ATP11A: variants seen among roughly 807,000 people sequenced by gnomAD.
ATP11A encodes the protein phospholipid-transporting ATPase IH.
In ATP11A, 81 loss-of-function variants were observed where a neutral mutation model predicts 154.4. The ratio of observed to expected loss-of-function variants is 0.52; its 90% CI spans 0.44 to 0.63. ATP11A has a LOEUF of 0.63. Among genes scored for constraint, ATP11A ranks in the 30% least tolerant of loss-of-function variants. The pLI is 0.00. For missense variants in ATP11A, 1,316 were observed against 1,474.3 expected (o/e 0.89, Z 1.76); for synonymous variants, 623 against 585.9 (o/e 1.06, Z -0.91).
intron 15 of ATP11A, among the ~76,000 whole-genome samples, chr13:112,835,610 A>C (rs912791907): frequency 2.0e-5 from 3 of 152,190 alleles, no homozygotes; most frequent in Admixed American, 2.0e-4. Flanking sequence ...CTGGGCTGGC[A>C]CTGCGGCCAG....
At chr13:112,731,750 C>A (rs994281822) in intron 1 of ATP11A, among the ~76,000 whole-genome samples, 1 of 152,146 alleles carries the variant, frequency 6.6e-6, no homozygotes, top group African/African-American at 2.4e-5. Context: ...GTGAGACTTA[C>A]AACAACCTAT....
At chr13:112,811,328 A>G (rs1648587121) in intron 5 of ATP11A, among the ~76,000 whole-genome samples, 1 of 151,354 alleles carries the variant, frequency 6.6e-6, no homozygotes, top group South Asian at 2.1e-4. Flanking sequence ...GGAATTTAAA[A>G]TTATTATCAC....
intron 1 of ATP11A, among the ~76,000 whole-genome samples, chr13:112,769,678 C>T (rs1002987945): frequency 6.6e-6 from 1 of 152,204 alleles, no homozygotes; most frequent in Admixed American, 6.5e-5. Context: ...ATGCACCAGC[C>T]TGAGTCTAAG....
chr13:112,848,728 C>G (rs1163929195), intron 17 of ATP11A, among the ~76,000 whole-genome samples: 1 of 152,348 alleles, frequency 6.6e-6, no homozygotes, highest in South Asian at 2.1e-4. Context: ...GCTCTTGTCG[C>G]CCAGGCTGGA....
At chr13:112,784,419 T>G (rs1490952038) in intron 1 of ATP11A, among the ~76,000 whole-genome samples, 1 of 152,186 alleles carries the variant, frequency 6.6e-6, no homozygotes, top group African/African-American at 2.4e-5. Context: ...AAGTCCCGCC[T>G]TCTACCCCAG....
At position 112,715,516 on chromosome 13, in the gene ATP11A, G is replaced by C. The variant is rs1373727893; in HGVS notation, c.39+25061G>C. Among the ~76,000 whole-genome samples, 5 of 21,918 alleles carry C rather than the reference G, an allele frequency of 2.3e-4. 1 individual carries two copies. Among genetic ancestry groups the C allele is most frequent in the Non-Finnish European group, 5.7e-4 (4 of 6,984 alleles). The allele number at this position is 21,918 out of a possible 152,430, so 14.4% of individuals were successfully genotyped here. On this transcript the variant is annotated intron_variant, in intron 1 of 29. Coordinates refer to ENST00000375645, the MANE Select transcript of ATP11A (RefSeq NM_015205.3). Reference sequence around the variant, plus strand: ...CCTGGCCCATCCCCTGCACCTGGCCGATCCCCACCCTTCACTTGGCTGAGG... The same window carrying C: ...CCTGGCCCATCCCCTGCACCTGGCCCATCCCCACCCTTCACTTGGCTGAGG...
intron 2 of ATP11A, among the ~76,000 whole-genome samples, chr13:112,788,404 A>G (rs913549363): frequency 2.1e-5 from 3 of 142,092 alleles, no homozygotes; most frequent in Admixed American, 1.4e-4. Flanking sequence ...TGATGTATAG[A>G]CCCTTGCGGA....
chr13:112,742,634 C>T (rs968892962), intron 1 of ATP11A, among the ~76,000 whole-genome samples: 1 of 152,240 alleles, frequency 6.6e-6, no homozygotes, highest in Non-Finnish European at 1.5e-5. Context: ...ACCTGTGGAG[C>T]GCAACATCGG....
At chr13:112,759,746 C>T (rs2076922513) in intron 1 of ATP11A, among the ~76,000 whole-genome samples, 1 of 152,032 alleles carries the variant, frequency 6.6e-6, no homozygotes, top group East Asian at 1.9e-4. Flanking sequence ...TTATTTTTTC[C>T]TATTTTGCCA....
intron 5 of ATP11A, among the ~76,000 whole-genome samples, chr13:112,815,286 C>A (rs1413403460): frequency 2.0e-5 from 3 of 148,566 alleles, no homozygotes; most frequent in Admixed American, 1.3e-4. Flanking sequence ...ATCTGCGATA[C>A]CTTCCACACC....
At position 112,719,047 on chromosome 13, in the gene ATP11A, G is replaced by C. The variant is rs544320773; in HGVS notation, c.39+28592G>C. Among the ~76,000 whole-genome samples, 9 of 152,290 alleles carry C rather than the reference G, an allele frequency of 5.9e-5. 1 individual carries two copies. The highest frequency in any genetic ancestry group is 1.9e-4 in the African/African-American group (8 of 41,562). On this transcript the variant is annotated intron_variant, in intron 1 of 29. Transcript: ENST00000375645. ...TTCAACGATGGCTTTAACAGAAGAAGAGAAGATGCTGAAAGTCCGGCTTAT... is the reference window on the plus strand; with the variant it reads ...TTCAACGATGGCTTTAACAGAAGAACAGAAGATGCTGAAAGTCCGGCTTAT...
At chr13:112,720,237 C>T (rs282563) in intron 1 of ATP11A, among the ~76,000 whole-genome samples, 116,874 of 152,192 alleles carry the variant, frequency 0.77, 46,240 homozygotes, top group South Asian at 0.9. Flanking sequence ...AGCCACAAAT[C>T]GGTACATGGA....
At chr13:112,770,796 A>C (rs1176386572) in intron 1 of ATP11A, among the ~76,000 whole-genome samples, 1 of 152,238 alleles carries the variant, frequency 6.6e-6, no homozygotes, top group African/African-American at 2.4e-5. Flanking sequence ...ATGGCGAGTC[A>C]GGAGGAAGCC....
rs151210657 is a variant in ATP11A at position 112,703,757 on chromosome 13, G to T, written c.39+13302G>T. On this transcript the variant is annotated intron_variant, in intron 1 of 29. Coordinates refer to ENST00000375645, the MANE Select transcript of ATP11A (RefSeq NM_015205.3). ...GCTTTTTTTTTTCCCACTGGAGAAA[G>T]CTGGTAGGGGAGAGGTGGTTGGTAT... Among the ~76,000 whole-genome samples, 62 of 152,168 alleles carry T rather than the reference G, an allele frequency of 4.1e-4. No individual in the cohort carries two copies. The East Asian group carries it at 0.01, about 25-fold the overall frequency.
intron 2 of ATP11A, among the ~76,000 whole-genome samples, chr13:112,792,747 C>T (rs2077894280): frequency 6.6e-6 from 1 of 152,198 alleles, no homozygotes; most frequent in Non-Finnish European, 1.5e-5. Context: ...TCCCCCAGGC[C>T]TGCTTGCACC....
At chr13:112,866,215 C>T (rs1241556525) in intron 25 of ATP11A, among the ~76,000 whole-genome samples, 1 of 152,188 alleles carries the variant, frequency 6.6e-6, no homozygotes, top group Non-Finnish European at 1.5e-5. Flanking sequence ...TTTTGGAGTG[C>T]ATTACAAATG....
chr13:112,843,673 T>C (rs1049280969), intron 17 of ATP11A, among the ~76,000 whole-genome samples: 1 of 152,130 alleles, frequency 6.6e-6, no homozygotes, highest in African/African-American at 2.4e-5. Flanking sequence ...AAAGCAATGT[T>C]TGTCCTCGCT....
At position 112,816,096 on chromosome 13, in the gene ATP11A, T is replaced by G; in HGVS notation, c.455T>G (p.Val152Gly). Reference protein sequence around the residue: ...QSRKLRVGDIVMVKEDETFPC... With the variant: ...QSRKLRVGDIGMVKEDETFPC... The stretch of plus-strand genomic sequence containing the variant: ...TTTGTCCTGTAGGTTGGGGACATTG[T>G]CATGGTTAAGGAGGACGAGACCTTT... The change falls in exon 6 of 30, where the codon GTC (valine) becomes GGC (glycine). Residue 152 changes from valine (V) to glycine (G), a missense_variant. By Grantham distance (109) the Val-to-Gly change is moderately radical (BLOSUM62 -3). Coordinates refer to ENST00000375645, the MANE Select transcript of ATP11A (RefSeq NM_015205.3). 1 of 1,614,186 alleles carries G rather than the reference T, an allele frequency of 6.2e-7. No individual in the cohort carries two copies. The highest frequency in any genetic ancestry group is 8.5e-7 in the Non-Finnish European group (1 of 1,180,040).
intron 5 of ATP11A, among the ~76,000 whole-genome samples, chr13:112,813,127 G>A (rs778148339): frequency 3.3e-5 from 5 of 152,240 alleles, no homozygotes; most frequent in Non-Finnish European, 7.3e-5. Context: ...TACAACGGCA[G>A]ACATCCAGCT....
Sources: allele counts gnomAD v4.1 joint callset (sites outside exome capture counted in the v4.1 genomes callset), GRCh38; gene constraint gnomAD v4.1.1; transcripts MANE v1.5; gene names NCBI Gene and HGNC (gene_info 2026-07-23, HGNC 2026-07-21).